The following KCNH7 variants were observed in gnomAD, a reference collection of about 807,000 sequenced individuals.
KCNH7 encodes voltage-gated inwardly rectifying potassium channel KCNH7.
KCNH7 carries 49 observed loss-of-function variants against 120.8 expected under a neutral mutation model. The ratio of observed to expected loss-of-function variants is 0.41; its 90% CI spans 0.32 to 0.51. The LOEUF is 0.51. KCNH7 is among the 20% of genes least tolerant of loss of function. The pLI, the probability that KCNH7 is intolerant of heterozygous loss-of-function variation, is 0.38. For missense variants in KCNH7, 1,097 were observed against 1,446.6 expected (o/e 0.76, Z 3.92); for synonymous variants, 547 against 516.1 (o/e 1.06, Z -0.81).
chr2:162,529,520 A>T (rs16846831), intron 3 of KCNH7, among the ~76,000 whole-genome samples: 5,608 of 152,046 alleles, frequency 0.037, 409 homozygotes, highest in Admixed American at 0.18. Flanking sequence ...GCTATAGAAG[A>T]CATATGAAAT....
At position 162,734,696 on chromosome 2, in the gene KCNH7, A is replaced by AT. The variant is rs74833688; in HGVS notation, c.307+101840dup. Among the ~76,000 whole-genome samples, 112 of 148,288 alleles carry AT rather than the reference A, an allele frequency of 7.6e-4. 1 individual carries two copies. In the South Asian group the frequency reaches 0.01, roughly 13 times the overall value. ...CTCATGGCATAAATCATTGGAGAGC[A>AT]TTTTTTTTTTTAATTTCAAAACCAT... On this transcript the variant is annotated intron_variant, in intron 2 of 15. Coordinates refer to ENST00000332142, the MANE Select transcript of KCNH7 (RefSeq NM_033272.4).
chr2:162,468,452 C>T (rs1195676180), intron 6 of KCNH7, among the ~76,000 whole-genome samples: 2 of 149,160 alleles, frequency 1.3e-5, no homozygotes, highest in African/African-American at 2.5e-5. Flanking sequence ...AATATCTTGG[C>T]AGAAGAATTT....
intron 14 of KCNH7, among the ~76,000 whole-genome samples, chr2:162,376,676 A>G (rs927963391): frequency 6.6e-6 from 1 of 151,964 alleles, no homozygotes; most frequent in Non-Finnish European, 1.5e-5. Context: ...TGTGGTCTTT[A>G]TATCAGCAAC....
At chr2:162,685,131 G>A (rs991556183) in intron 2 of KCNH7, among the ~76,000 whole-genome samples, 2 of 152,076 alleles carry the variant, frequency 1.3e-5, no homozygotes, top group Admixed American at 6.6e-5. Flanking sequence ...TCACTCATAA[G>A]TGGGAGTTGA....
intron 2 of KCNH7, among the ~76,000 whole-genome samples, chr2:162,681,553 T>C (rs1685710883): frequency 6.6e-6 from 1 of 151,772 alleles, no homozygotes; most frequent in Non-Finnish European, 1.5e-5. Flanking sequence ...CCTTCAGCCC[T>C]ACCCAAAAAC....
intron 2 of KCNH7, among the ~76,000 whole-genome samples, chr2:162,758,416 T>A (rs762349941): frequency 2.0e-4 from 30 of 152,256 alleles, no homozygotes; most frequent in Non-Finnish European, 3.7e-4. Flanking sequence ...AAAAAGTAAC[T>A]TAAAGTTTGT....
intron 2 of KCNH7, among the ~76,000 whole-genome samples, chr2:162,608,466 A>G (rs1178959511): frequency 6.6e-6 from 1 of 152,172 alleles, no homozygotes; most frequent in Non-Finnish European, 1.5e-5. Context: ...CTAAGTTAGT[A>G]TAATTTCCTC....
In KCNH7 at chr2:162,589,004, C is replaced by A. The variant is rs145083330; in HGVS notation, c.308-51924G>T. Among the ~76,000 whole-genome samples, 577 of 152,212 alleles carry A rather than the reference C, an allele frequency of 3.8e-3. 2 individuals are homozygous for A. The highest frequency in any genetic ancestry group is 0.013 in the African/African-American group (553 of 41,556). On this transcript the variant is annotated intron_variant, in intron 2 of 15. Transcript: ENST00000332142. Reference sequence around the variant, plus strand: ...GCCCTGACACCCTGCCTAATCCCAACCACATTTTCATGAGTAGATAATCTG... The same window carrying A: ...GCCCTGACACCCTGCCTAATCCCAAACACATTTTCATGAGTAGATAATCTG...
chr2:162,820,615 T>TTTTC (rs765337630), intron 2 of KCNH7, among the ~76,000 whole-genome samples: 57 of 152,220 alleles, frequency 3.7e-4, no homozygotes, highest in Non-Finnish European at 5.9e-4. Context: ...CTAACTTGTG[T>TTTTC]TTTCTTTCTT....
intron 6 of KCNH7, among the ~76,000 whole-genome samples, chr2:162,487,783 A>G (rs1690151511): frequency 6.6e-6 from 1 of 152,178 alleles, no homozygotes; most frequent in Non-Finnish European, 1.5e-5. Flanking sequence ...TTACCTTTCT[A>G]TATGGGATTT....
chr2:162,819,407 G>A (rs1685023514), intron 2 of KCNH7, among the ~76,000 whole-genome samples: 1 of 152,122 alleles, frequency 6.6e-6, no homozygotes, highest in African/African-American at 2.4e-5. Flanking sequence ...AGATGACACA[G>A]ACAAAATGTG....
intron 2 of KCNH7, among the ~76,000 whole-genome samples, chr2:162,579,818 T>A (rs2105914644): frequency 6.6e-6 from 1 of 152,164 alleles, no homozygotes; most frequent in South Asian, 2.1e-4. Flanking sequence ...AAACACTTTT[T>A]TTTTTCTCAG....
chr2:162,431,318 C>T (rs931570759), intron 8 of KCNH7, among the ~76,000 whole-genome samples: 1 of 151,892 alleles, frequency 6.6e-6, no homozygotes, highest in Non-Finnish European at 1.5e-5. Context: ...GATCTTTTAT[C>T]ACATTTTTTG....
intron 2 of KCNH7, among the ~76,000 whole-genome samples, chr2:162,717,497 C>T (rs759273337): frequency 4.6e-5 from 7 of 152,100 alleles, no homozygotes; most frequent in Non-Finnish European, 8.8e-5. Context: ...TCAATTTGCA[C>T]CTTGTCATTC....
intron 6 of KCNH7, among the ~76,000 whole-genome samples, chr2:162,477,936 C>T (rs1327174308): frequency 6.8e-6 from 1 of 147,870 alleles, no homozygotes; most frequent in Non-Finnish European, 1.5e-5. Context: ...CCCCTGTCCT[C>T]ATGGAACTTA....
At chr2:162,567,388 G>A (rs1192688177) in intron 2 of KCNH7, among the ~76,000 whole-genome samples, 1 of 151,934 alleles carries the variant, frequency 6.6e-6, no homozygotes, top group Non-Finnish European at 1.5e-5. Context: ...TTGGGGGTTG[G>A]AGTTGAGTAA....
intron 6 of KCNH7, among the ~76,000 whole-genome samples, chr2:162,500,174 T>C (rs946167631): frequency 8.1e-5 from 12 of 148,088 alleles, no homozygotes; most frequent in Admixed American, 4.1e-4. Context: ...TTATATGTTA[T>C]ATACAATACA....
chr2:162,532,842 C>T (rs981284156), intron 3 of KCNH7, among the ~76,000 whole-genome samples: 1 of 151,918 alleles, frequency 6.6e-6, no homozygotes, highest in Non-Finnish European at 1.5e-5. Context: ...GATAAGCTCA[C>T]TGAGTACCTT....
intron 6 of KCNH7, among the ~76,000 whole-genome samples, chr2:162,484,735 A>C (rs1690037215): frequency 6.6e-6 from 1 of 152,146 alleles, no homozygotes; most frequent in Admixed American, 6.5e-5. Flanking sequence ...TGCCAACCTC[A>C]TGGTAATGAG....
Sources: allele counts gnomAD v4.1 joint callset (sites outside exome capture counted in the v4.1 genomes callset), GRCh38; gene constraint gnomAD v4.1.1; transcripts MANE v1.5; gene names NCBI Gene and HGNC (gene_info 2026-07-23, HGNC 2026-07-21).